Variants in FBXL5 observed in about 807,000 individuals in gnomAD.
FBXL5 encodes the protein F-box and leucine rich repeat protein 5, also known as F-box/LRR-repeat protein 5.
A neutral mutation model predicts 78.3 loss-of-function variants in FBXL5; 26 were observed. That is an observed-to-expected ratio of 0.33 (90% confidence interval 0.24 to 0.46). The LOEUF (loss-of-function observed/expected upper bound fraction) is 0.46. FBXL5 is among the 20% of genes least tolerant of loss of function. The pLI, the probability that FBXL5 is intolerant of heterozygous loss-of-function variation, is 1.00. For synonymous variants in FBXL5, 295 were observed against 282.5 expected, an observed-to-expected ratio of 1.04 and a Z score of -0.45; for missense variants, 710 against 829.2, an observed-to-expected ratio of 0.86 and a Z score of 1.77.
chr4:15,662,470 T>C (rs1225258174), upstream of FBXL5, among the ~76,000 whole-genome samples: 1 of 152,206 alleles, frequency 6.6e-6, no homozygotes, highest in Non-Finnish European at 1.5e-5. Context: ...GTACCTGGCA[T>C]ATTAAGCATT....
At chr4:15,635,496 G>A (rs1408066629) in intron 5 of FBXL5, among the ~76,000 whole-genome samples, 2 of 151,928 alleles carry the variant, frequency 1.3e-5, no homozygotes, top group Admixed American at 6.6e-5. Context: ...GCTCACATCT[G>A]CAATTACAGC....
At chr4:15,614,388 T>C (rs928917014) in intron 9 of FBXL5, among the ~76,000 whole-genome samples, 2 of 152,200 alleles carry the variant, frequency 1.3e-5, no homozygotes, top group Non-Finnish European at 2.9e-5. Flanking sequence ...TGGTTTTCTT[T>C]AGTGTGCTGG....
At chr4:15,630,566 G>T in intron 6 of FBXL5, 100 bp downstream of exon 6, 1 of 1,157,560 alleles carries the variant, frequency 8.6e-7, no homozygotes, top group Non-Finnish European at 1.1e-6. Context: ...AGTTTCTTTA[G>T]AAAACACAAA....
chr4:15,643,027 A>T (rs745634031), intron 2 of FBXL5, among the ~76,000 whole-genome samples: 3 of 152,194 alleles, frequency 2.0e-5, no homozygotes, highest in Non-Finnish European at 4.4e-5. Flanking sequence ...TCATGACTTT[A>T]GTTCAGATTT....
chr4:15,681,556 T>C (rs1402503146), upstream of FBXL5: 1 of 154,264 alleles, frequency 6.5e-6, no homozygotes, highest in Non-Finnish European at 1.5e-5. Flanking sequence ...CGGTGTCTCC[T>C]AGGGTTTCTT....
At chr4:15,635,089 T>C (rs1714107319) in intron 5 of FBXL5, among the ~76,000 whole-genome samples, 1 of 152,164 alleles carries the variant, frequency 6.6e-6, no homozygotes, top group African/African-American at 2.4e-5. Context: ...CCCAGCACTT[T>C]GGGAGGCCGA....
intron 1 of FBXL5, among the ~76,000 whole-genome samples, chr4:15,671,636 G>C (rs923274132): frequency 1.3e-5 from 2 of 151,912 alleles, no homozygotes; most frequent in Non-Finnish European, 2.9e-5. Context: ...GTGGGTTTAT[G>C]GTTTCCATCA....
chr4:15,662,853 T>G (rs1717378522), upstream of FBXL5, among the ~76,000 whole-genome samples: 5 of 152,182 alleles, frequency 3.3e-5, no homozygotes. Flanking sequence ...GGCTAAACAT[T>G]ATTCCCAGAT....
chr4:15,655,182 G>C (rs1302021749), intron 1 of FBXL5, 22 bp downstream of exon 1: 14 of 1,375,088 alleles, frequency 1.0e-5, no homozygotes, highest in East Asian at 3.4e-5. Flanking sequence ...CGCCCACAGC[G>C]GGAGGCTCAG....
intron 9 of FBXL5, among the ~76,000 whole-genome samples, chr4:15,612,857 T>C (rs1195116421): frequency 6.6e-6 from 1 of 152,168 alleles, no homozygotes; most frequent in Admixed American, 6.5e-5. Flanking sequence ...CCCAGGTATA[T>C]ACCCAAGAGA....
intron 2 of FBXL5, among the ~76,000 whole-genome samples, chr4:15,641,880 A>G (rs905639268): frequency 1.3e-5 from 2 of 152,084 alleles, no homozygotes; most frequent in African/African-American, 4.8e-5. Flanking sequence ...TACAAAAATC[A>G]GCCAGGTGTA....
chr4:15,669,928 CA>C (rs1206469900), intron 1 of FBXL5, among the ~76,000 whole-genome samples: 1 of 152,134 alleles, frequency 6.6e-6, no homozygotes, highest in African/African-American at 2.4e-5. Flanking sequence ...GGGCGGTAAT[CA>C]CCCTAGGTAC....
At chr4:15,662,925 G>A (rs896932253), upstream of FBXL5, among the ~76,000 whole-genome samples, 1 of 152,164 alleles carries the variant, frequency 6.6e-6, no homozygotes, top group African/African-American at 2.4e-5. Context: ...TAATCTTTCT[G>A]TCACTGAATA....
At chr4:15,616,414 A>C (rs924347665) in intron 9 of FBXL5, among the ~76,000 whole-genome samples, 2 of 151,786 alleles carry the variant, frequency 1.3e-5, no homozygotes, top group East Asian at 3.9e-4. Context: ...CCCCTCAACC[A>C]GGCAACTGGT....
chr4:15,635,152 T>A (rs1358080933), intron 5 of FBXL5, among the ~76,000 whole-genome samples: 1 of 151,658 alleles, frequency 6.6e-6, no homozygotes, highest in African/African-American at 2.4e-5. Context: ...ACCAACATGG[T>A]GAAACCCCGT....
At chr4:15,646,300 G>C (rs1192091610) in intron 1 of FBXL5, among the ~76,000 whole-genome samples, 1 of 151,888 alleles carries the variant, frequency 6.6e-6, no homozygotes, top group Non-Finnish European at 1.5e-5. Flanking sequence ...AAATGTAAAA[G>C]TGATGCTTGG....
intron 1 of FBXL5, among the ~76,000 whole-genome samples, chr4:15,678,155 T>G (rs1464328585): frequency 2.6e-5 from 4 of 152,196 alleles, no homozygotes; most frequent in Non-Finnish European, 5.9e-5. Flanking sequence ...ACTATGAAGT[T>G]GCACATACTT....
chr4:15,609,116 T>C (rs1270817438), intron 10 of FBXL5, among the ~76,000 whole-genome samples: 1 of 152,218 alleles, frequency 6.6e-6, no homozygotes, highest in African/African-American at 2.4e-5. Flanking sequence ...TAGACAGCTA[T>C]GCTTTAACAG....
At chr4:15,667,027 T>C (rs947489782) in intron 1 of FBXL5, among the ~76,000 whole-genome samples, 5 of 152,250 alleles carry the variant, frequency 3.3e-5, no homozygotes, top group African/African-American at 1.2e-4. Context: ...TTAAAATTAC[T>C]GGATGTTGCA....
Sources: gnomAD v4.1 joint callset for allele counts (sites outside exome capture counted in the v4.1 genomes callset) on GRCh38, gnomAD v4.1.1 for gene constraint, MANE v1.5 for transcripts, NCBI Gene and HGNC (gene_info 2026-07-23, HGNC 2026-07-21) for gene names.